Variants in MTFR1L observed in about 807,000 individuals in gnomAD.
The protein encoded by MTFR1L is mitochondrial fission regulator 1-like.
In MTFR1L, 10 loss-of-function variants were observed where a neutral mutation model predicts 27.9. The ratio of observed to expected loss-of-function variants is 0.36; its 90% confidence interval spans 0.22 to 0.61. The LOEUF (loss-of-function observed/expected upper bound fraction) is 0.61, where lower values mean the gene tolerates loss of function less well. Ranked by LOEUF, MTFR1L falls within the 20% of genes least tolerant of loss-of-function variation. The pLI is 0.73. For missense variants in MTFR1L, 315 were observed against 363.7 expected (o/e 0.87, Z 1.09); for synonymous variants, 151 against 139.4 (o/e 1.08, Z -0.58).
chr1:25,830,542 T>C (rs571228497), intron 6 of MTFR1L, among the ~76,000 whole-genome samples: 6 of 152,112 alleles, frequency 3.9e-5, no homozygotes, highest in Non-Finnish European at 7.4e-5. Context: ...GTTTCTCCAG[T>C]TGTGGGTTGC....
At position 25,823,748 on chromosome 1, in the gene MTFR1L, G is replaced by A. The variant is rs1557441767; in HGVS notation, c.129G>A (p.Glu43=). Residue 43 remains glutamate (E), a splice_region_variant and synonymous_variant, in exon 3 of 7, where the codon GAG becomes GAA. Coordinates refer to ENST00000374303, the MANE Select transcript of MTFR1L (RefSeq NM_001099625.2). Reference sequence around the variant, plus strand: ...AGCCGTGTGCCCGGGCGTCCTTTGAGGTGAGTATGTTGGAAGGGCAGGAGA... The same window carrying A: ...AGCCGTGTGCCCGGGCGTCCTTTGAAGTGAGTATGTTGGAAGGGCAGGAGA... The part of the protein sequence containing the change: ...PLKPCARASF[E]TLPNISDLCL... 1.2e-6 allele frequency: 2 copies of A among 1,613,704 alleles called. No homozygotes were observed. Among genetic ancestry groups the A allele is most frequent in the Non-Finnish European group, 1.7e-6 (2 of 1,179,892 alleles).
chr1:25,831,890 G>C, intron 6 of MTFR1L, 31 bp from the exon 7 acceptor site: 1 of 1,553,888 alleles, frequency 6.4e-7, no homozygotes, highest in Non-Finnish European at 8.9e-7. Flanking sequence ...ACAGGAAAGA[G>C]TAAGTACTCA....
chr1:25,829,756 G>A lies in MTFR1L; in HGVS notation c.699G>A (p.Leu233=). 6.2e-7 allele frequency: 1 copy of A among 1,612,688 alleles called. No individual in the cohort carries two copies. Among genetic ancestry groups the A allele is most frequent in the Non-Finnish European group, 8.5e-7 (1 of 1,180,032 alleles). The change falls in exon 6 of 7, where the codon TTG becomes TTA. Residue 233 remains leucine (L), a synonymous_variant. Coordinates refer to ENST00000374303, the MANE Select transcript of MTFR1L (RefSeq NM_001099625.2). ...CTGAAGAGGATGACTGCGTCTCTTT[G>A]TCCAAGGCCAGCAGCTTTGCAGACA... is the stretch of plus-strand genomic sequence containing the variant. ...SSSEEDDCVS[L]SKASSFADMM... is the part of the protein sequence containing the mutation.
At chr1:25,827,927 A>G (rs575317606) in intron 5 of MTFR1L, among the ~76,000 whole-genome samples, 6 of 151,894 alleles carry the variant, frequency 4.0e-5, no homozygotes, top group South Asian at 2.1e-4. Flanking sequence ...GGGTTTCGCC[A>G]TTGCCCAGGC....
At position 25,829,797 on chromosome 1, in the gene MTFR1L, A is replaced by G; in HGVS notation, c.740A>G (p.Lys247Arg). ...SSFADMMGIL[K>R]DFHRMKQSQD... Reference sequence around the variant, plus strand: ...TTTGCAGACATGATGGGTATCCTGAAGGACTTTCACCGAATGAAACAGAGT... The same window carrying G: ...TTTGCAGACATGATGGGTATCCTGAGGGACTTTCACCGAATGAAACAGAGT... The change falls in exon 6 of 7, where the codon AAG becomes AGG. Residue 247 changes from lysine to arginine, a missense_variant. Coordinates refer to ENST00000374303, the MANE Select transcript of MTFR1L (RefSeq NM_001099625.2). The G allele has an allele frequency of 6.2e-7, 1 of 1,606,252 alleles. No individual in the cohort carries two copies. The highest frequency in any genetic ancestry group is 8.5e-7 in the Non-Finnish European group (1 of 1,179,434).
In MTFR1L at chr1:25,832,042, C is replaced by T. The variant is rs769290291; in HGVS notation, c.*16C>T. Reference sequence around the variant, plus strand: ...AGGAAATTGACAACCCTCAGCTCTGCAAACTCAGTCTCATGCTCCTGGAAT... The same window carrying T: ...AGGAAATTGACAACCCTCAGCTCTGTAAACTCAGTCTCATGCTCCTGGAAT... On this transcript the variant is annotated 3_prime_UTR_variant, in exon 7 of 7. Coordinates refer to ENST00000374303, the MANE Select transcript of MTFR1L (RefSeq NM_001099625.2). 2 of 1,614,068 alleles carry T rather than the reference C, an allele frequency of 1.2e-6. No individual in the cohort carries two copies. The highest frequency in any genetic ancestry group is 8.5e-7 in the Non-Finnish European group (1 of 1,179,952).
intron 6 of MTFR1L, 31 bp from the exon 7 acceptor site, chr1:25,831,890 G>A (rs781309675): frequency 2.6e-6 from 4 of 1,553,770 alleles, no homozygotes; most frequent in African/African-American, 1.4e-5. Context: ...ACAGGAAAGA[G>A]TAAGTACTCA....
intron 2 of MTFR1L, chr1:25,823,345 G>C (rs1435104185): frequency 2.8e-6 from 2 of 723,392 alleles, no homozygotes; most frequent in Non-Finnish European, 2.5e-6. Context: ...TTTCTGTACA[G>C]AGGACGGGAA....
Position 25,823,135 on chromosome 1 carries a change from G to A in MTFR1L, c.24+7G>A, listed in dbSNP as rs1436615047. 1.9e-6 allele frequency: 3 copies of A among 1,613,756 alleles called. No individual in the cohort carries two copies. Among genetic ancestry groups the A allele is most frequent in the Non-Finnish European group, 2.5e-6 (3 of 1,179,750 alleles). On this transcript the variant is annotated splice_region_variant and intron_variant, in intron 2 of 6. Coordinates refer to ENST00000374303, the MANE Select transcript of MTFR1L (RefSeq NM_001099625.2). ...AGGAATGGAAGCCACTGTGGTAAGG[G>A]GCATTCCCAGGGCAGGGGTATGGTG...
At chr1:25,821,832 A>G (rs1393571487) in intron 1 of MTFR1L, 1 of 152,230 alleles carries the variant, frequency 6.6e-6, no homozygotes, top group African/African-American at 2.4e-5. Flanking sequence ...GCCTAATGCT[A>G]CTCAGCCTTT....
intron 1 of MTFR1L, 170 bp downstream of exon 1, chr1:25,820,199 C>G: frequency 2.2e-6 from 1 of 453,872 alleles, no homozygotes; most frequent in Non-Finnish European, 4.4e-6. Context: ...AACTGAGTCC[C>G]CGAAGGGTAG....
chr1:25,822,792 C>T (rs1215690686), intron 1 of MTFR1L: 2 of 595,346 alleles, frequency 3.4e-6, no homozygotes, highest in Non-Finnish European at 6.0e-6. Context: ...TCCCAAAGTG[C>T]TGGGATTACA....
At chr1:25,822,716 C>A (rs775124819) in intron 1 of MTFR1L, 7 of 444,796 alleles carry the variant, frequency 1.6e-5, no homozygotes, top group Non-Finnish European at 2.7e-5. Context: ...TTAGTAGAGA[C>A]AGGGCTTCAC....
intron 6 of MTFR1L, 73 bp from the exon 7 acceptor site, chr1:25,831,848 A>C: frequency 8.3e-7 from 1 of 1,208,464 alleles, no homozygotes; most frequent in Non-Finnish European, 1.2e-6. Context: ...GGATTCAACG[A>C]GATAATGTAT....
chr1:25,821,282 G>C (rs2048088597), intron 1 of MTFR1L, among the ~76,000 whole-genome samples: 1 of 152,242 alleles, frequency 6.6e-6, no homozygotes, highest in Non-Finnish European at 1.5e-5. Context: ...TAAGGTCGGA[G>C]AGGAAGTGGC....
chr1:25,821,314 T>G (rs562328699), intron 1 of MTFR1L, among the ~76,000 whole-genome samples: 1 of 152,272 alleles, frequency 6.6e-6, no homozygotes, highest in Admixed American at 6.5e-5. Flanking sequence ...TTAGTGCAAT[T>G]TGTGGCCGAC....
rs1362726396 is a variant in MTFR1L at position 25,823,757 on chromosome 1, G to A, written c.129+9G>A. 34 of 1,613,296 alleles carry A rather than the reference G, an allele frequency of 2.1e-5. No individual in the cohort carries two copies. The highest frequency in any genetic ancestry group is 2.6e-5 in the Non-Finnish European group (31 of 1,179,684). On this transcript the variant is annotated intron_variant, in intron 3 of 6. Transcript: ENST00000374303. The stretch of plus-strand genomic sequence containing the variant: ...CCCGGGCGTCCTTTGAGGTGAGTAT[G>A]TTGGAAGGGCAGGAGAGTAGAGGCT...
chr1:25,828,320 C>T (rs1036038707), intron 5 of MTFR1L, among the ~76,000 whole-genome samples: 2 of 152,228 alleles, frequency 1.3e-5, no homozygotes, highest in Non-Finnish European at 2.9e-5. Flanking sequence ...CTGTGGCTTA[C>T]GCCTGTAATC....
At position 25,826,367 on chromosome 1, in the gene MTFR1L, C is replaced by T. The variant is rs368834313; in HGVS notation, c.195C>T (p.Ile65=). 3.7e-6 allele frequency: 6 copies of T among 1,614,056 alleles called. No individual in the cohort carries two copies. The highest frequency in any genetic ancestry group is 2.7e-5 in the African/African-American group (2 of 74,910). Residue 65 remains isoleucine, a synonymous_variant, in exon 4 of 7, where the codon ATC becomes ATT. Coordinates refer to ENST00000374303, the MANE Select transcript of MTFR1L (RefSeq NM_001099625.2). The surrounding 1 kb of genome is among the most constrained non-coding windows in gnomAD (Gnocchi z 4.1). ...CCCCAGTCCCTACCCTGGCTGACAT[C>T]GCCTGGATTGCTGCGGATGAAGAGG... ...DVPPVPTLAD[I]AWIAADEEET...
Sources: gnomAD v4.1 joint callset for allele counts (sites outside exome capture counted in the v4.1 genomes callset) on GRCh38, gnomAD v4.1.1 for gene constraint, Gnocchi (gnomAD v3.1) non-coding constraint, MANE v1.5 for transcripts, NCBI Gene and HGNC (gene_info 2026-07-23, HGNC 2026-07-21) for gene names.